The following FBXL17 variants were observed in gnomAD, a reference collection of about 807,000 sequenced individuals.
FBXL17 encodes F-box/LRR-repeat protein 17.
Under a neutral mutation model 66.2 loss-of-function variants are expected in FBXL17, and 22 were observed. The ratio of observed to expected loss-of-function variants is 0.33; its 90% CI spans 0.24 to 0.47. The LOEUF (loss-of-function observed/expected upper bound fraction) is 0.47, where lower values mean the gene tolerates loss of function less well. FBXL17 is among the 20% of genes least tolerant of loss of function. The pLI is 1.00. For missense variants in FBXL17, 878 were observed against 948.2 expected (o/e 0.93, Z 0.97); for synonymous variants, 474 against 400.5 (o/e 1.18, Z -2.19).
intron 8 of FBXL17, chr5:107,880,243 T>G: frequency 2.3e-6 from 1 of 429,868 alleles, no homozygotes. Flanking sequence ...AATTTTTTTT[T>G]GTTGGGGGAG....
chr5:108,131,913 T>C (rs1750948208), intron 6 of FBXL17, among the ~76,000 whole-genome samples: 1 of 152,136 alleles, frequency 6.6e-6, no homozygotes, highest in Non-Finnish European at 1.5e-5. Flanking sequence ...CAATTTAGTA[T>C]TCTACTAGGA....
At chr5:108,227,612 A>T (rs1257683608) in intron 4 of FBXL17, among the ~76,000 whole-genome samples, 1 of 152,218 alleles carries the variant, frequency 6.6e-6, no homozygotes, top group East Asian at 1.9e-4. Context: ...CTGAACAGAT[A>T]TTGGAAGAAA....
At chr5:108,011,049 T>A (rs1754153957) in intron 7 of FBXL17, among the ~76,000 whole-genome samples, 2 of 152,218 alleles carry the variant, frequency 1.3e-5, no homozygotes, top group African/African-American at 4.8e-5. Context: ...GTGACTCTAA[T>A]CTGTGATAAA....
intron 6 of FBXL17, among the ~76,000 whole-genome samples, chr5:108,106,846 C>A (rs1749818659): frequency 6.6e-6 from 1 of 152,026 alleles, no homozygotes. Context: ...ATACACTAAA[C>A]TGTGAATATA....
chr5:107,882,693 T>C (rs1748832798), intron 7 of FBXL17, among the ~76,000 whole-genome samples: 1 of 152,210 alleles, frequency 6.6e-6, no homozygotes, highest in Admixed American at 6.5e-5. Context: ...AGAAAATTGT[T>C]CTCTCTGGTA....
rs201752049 is a variant in FBXL17 at position 107,871,057 on chromosome 5, CAAAA to C, written c.1966-9201_1966-9198del. Among the ~76,000 whole-genome samples the C allele has an allele frequency of 2.1e-3, 139 of 65,880 alleles. 4 individuals are homozygous for C. Among genetic ancestry groups the C allele is most frequent in the South Asian group, 6.2e-3 (13 of 2,086 alleles). The allele number at this position is 65,880 out of a possible 152,430, so 43.2% of individuals were successfully genotyped here. A position where few individuals can be genotyped will look rare whatever the true frequency, so the allele number is the denominator to read the frequency against. ...GGTAAGAAATATTACTCTTGGGCGGCAAAAAAAAAAAAAAAAAAAAAACCTCATC... is the reference window on the plus strand; with the variant it reads ...GGTAAGAAATATTACTCTTGGGCGGCAAAAAAAAAAAAAAAAAACCTCATC... On this transcript the variant is annotated intron_variant, in intron 8 of 8. Coordinates refer to ENST00000542267, the MANE Select transcript of FBXL17 (RefSeq NM_001163315.3).
intron 6 of FBXL17, among the ~76,000 whole-genome samples, chr5:108,029,040 C>T (rs931820054): frequency 4.6e-5 from 7 of 152,032 alleles, no homozygotes; most frequent in African/African-American, 1.4e-4. Flanking sequence ...AAATGTTTCC[C>T]GTATGCTTTA....
rs554485070 is a variant in FBXL17, at chr5:108,108,383, A to C, written c.1745+77734T>G. ...GTATTTGTTAAAAAAGTAGATAAAC[A>C]ATCAGATGAACCTTAATGAAAGTGT... On this transcript the variant is annotated intron_variant, in intron 6 of 8. Transcript: ENST00000542267. Among the ~76,000 whole-genome samples, 3 of 152,350 alleles carry C rather than the reference A, an allele frequency of 2.0e-5. No individual in the cohort carries two copies. In the South Asian group the frequency reaches 6.2e-4, roughly 32 times the overall value.
At chr5:108,095,441 T>G (rs1749331796) in intron 6 of FBXL17, among the ~76,000 whole-genome samples, 1 of 152,082 alleles carries the variant, frequency 6.6e-6, no homozygotes, top group Admixed American at 6.5e-5. Flanking sequence ...ATAAAGTATT[T>G]TAGTAAGCTA....
chr5:108,340,505 C>A (rs1489658479), intron 4 of FBXL17, among the ~76,000 whole-genome samples: 1 of 151,788 alleles, frequency 6.6e-6, no homozygotes, highest in African/African-American at 2.4e-5. Flanking sequence ...ATAATTCTGA[C>A]AAGAATTACA....
intron 6 of FBXL17, among the ~76,000 whole-genome samples, chr5:108,041,062 T>G: frequency 6.6e-6 from 1 of 152,186 alleles, no homozygotes; most frequent in Non-Finnish European, 1.5e-5. Flanking sequence ...ATGGAGATAA[T>G]GACTTCATGG....
intron 7 of FBXL17, among the ~76,000 whole-genome samples, chr5:107,997,636 T>C (rs1355867905): frequency 6.6e-6 from 1 of 152,200 alleles, no homozygotes; most frequent in Non-Finnish European, 1.5e-5. Flanking sequence ...TCCTTTTTCT[T>C]TCTCTGTCTG....
chr5:108,304,193 T>G (rs890210307), intron 4 of FBXL17, among the ~76,000 whole-genome samples: 1 of 151,996 alleles, frequency 6.6e-6, no homozygotes, highest in African/African-American at 2.4e-5. Context: ...CAGCCAAAAT[T>G]TCTATGAAAA....
intron 4 of FBXL17, among the ~76,000 whole-genome samples, chr5:108,249,822 A>T (rs922304777): frequency 3.5e-4 from 54 of 152,262 alleles, no homozygotes; most frequent in African/African-American, 1.3e-3. Flanking sequence ...GTACTAACAA[A>T]ATATGCACAC....
intron 7 of FBXL17, among the ~76,000 whole-genome samples, chr5:107,914,499 G>T (rs1313341738): frequency 6.6e-6 from 1 of 152,108 alleles, no homozygotes; most frequent in Non-Finnish European, 1.5e-5. Flanking sequence ...TAAGAATCAG[G>T]CCATCCCGAA....
At position 108,381,011 on chromosome 5, in the gene FBXL17, A is replaced by G. The variant is rs1045422883; in HGVS notation, c.681T>C (p.Gly227=). The change falls in exon 1 of 9, where the codon GGT becomes GGC. Residue 227 remains glycine, a synonymous_variant. Transcript: ENST00000542267. ...CTCCCCCCGCAGGCCCTCCCCCGCCACCGCCGCCGCCGCCGCCGCCGCAGC... is the reference window on the plus strand; with the variant it reads ...CTCCCCCCGCAGGCCCTCCCCCGCCGCCGCCGCCGCCGCCGCCGCCGCAGC... ...GGGCGGGGGG[G]GGGGPAGGGA... The G allele has an allele frequency of 4.1e-4, 483 of 1,180,694 alleles. No homozygotes were observed. The highest frequency in any genetic ancestry group is 1.0e-3 in the Middle Eastern group (3 of 2,950). 73.1% of individuals were successfully genotyped at this position (1,180,694 alleles called of 1,614,324 possible). A position where few individuals can be genotyped will look rare whatever the true frequency, so the allele number is the denominator to read the frequency against.
intron 6 of FBXL17, among the ~76,000 whole-genome samples, chr5:108,068,611 A>G (rs921714870): frequency 3.3e-5 from 5 of 151,854 alleles, no homozygotes; most frequent in African/African-American, 4.8e-5. Context: ...GCGTGCCACC[A>G]TGCCCAGCTA....
chr5:107,932,768 G>C (rs962871955), intron 7 of FBXL17, among the ~76,000 whole-genome samples: 4 of 151,922 alleles, frequency 2.6e-5, no homozygotes, highest in Non-Finnish European at 5.9e-5. Flanking sequence ...TAGCAAAGGA[G>C]AAAAAAATCC....
chr5:108,160,797 G>A (rs978064005), intron 6 of FBXL17, among the ~76,000 whole-genome samples: 14 of 152,142 alleles, frequency 9.2e-5, no homozygotes, highest in Admixed American at 6.5e-5. Flanking sequence ...CCAAACTGTG[G>A]TCCATGCACA....
Sources: gnomAD v4.1 joint callset for allele counts (sites outside exome capture counted in the v4.1 genomes callset) on GRCh38, gnomAD v4.1.1 for gene constraint, MANE v1.5 for transcripts, NCBI Gene and HGNC (gene_info 2026-07-23, HGNC 2026-07-21) for gene names.